The following NUTM2B variants were observed in gnomAD, a reference collection of about 807,000 sequenced individuals.
NUTM2B encodes the protein NUT family member 2B.
A neutral mutation model predicts 42.4 loss-of-function variants in NUTM2B; 2 were observed. That is an observed-to-expected ratio of 0.05 (90% confidence interval 0.02 to 0.15). NUTM2B has a LOEUF of 0.15. Among genes scored for constraint, NUTM2B ranks in the 10% least tolerant of loss-of-function variants. The probability of loss-of-function intolerance (pLI) is 1.00; values close to 1 mark genes in which losing one functional copy is unlikely to be tolerated. For missense variants in NUTM2B, 58 were observed against 952.6 expected, an observed-to-expected ratio of 0.06 and a Z score of 12.36; for synonymous variants, 18 against 402.4, an observed-to-expected ratio of 0.04 and a Z score of 11.43.
At chr10:79,692,974 A>T in the NUTM2B span, among the ~76,000 whole-genome samples, 1 of 152,190 alleles carries the variant, frequency 6.6e-6, no homozygotes, top group Non-Finnish European at 1.5e-5. Context: ...GCCCCAGGAA[A>T]TGGGTCTGGG....
At chr10:79,693,627 C>A in the NUTM2B span, among the ~76,000 whole-genome samples, 1 of 152,216 alleles carries the variant, frequency 6.6e-6, no homozygotes, top group Non-Finnish European at 1.5e-5. Context: ...ATATACTTCT[C>A]CCCTAAAACT....
intron 5 of NUTM2B, 106 bp downstream of exon 5, chr10:79,710,870 C>G: frequency 8.2e-7 from 1 of 1,217,750 alleles, no homozygotes; most frequent in Admixed American, 2.8e-5. Context: ...GTGTGTATTT[C>G]CATGGATTTG....
At chr10:79,700,239 CA>C (rs2132235758), upstream of NUTM2B, among the ~76,000 whole-genome samples, 1 of 152,268 alleles carries the variant, frequency 6.6e-6, no homozygotes, top group East Asian at 1.9e-4. Context: ...TCATTCTGAT[CA>C]AGTCAACAAG....
the NUTM2B span, among the ~76,000 whole-genome samples, chr10:79,694,123 C>A: frequency 1.3e-5 from 2 of 152,088 alleles, no homozygotes; most frequent in African/African-American, 2.4e-5. Flanking sequence ...GCTGGCCAGA[C>A]GTAATGGCTC....
the NUTM2B span, among the ~76,000 whole-genome samples, chr10:79,695,916 A>G: frequency 2.6e-5 from 4 of 151,272 alleles, no homozygotes; most frequent in Admixed American, 2.6e-4. Context: ...ATCCATCTGT[A>G]GGAGGAAAAG....
At chr10:79,700,070 G>A (rs2913149), upstream of NUTM2B, among the ~76,000 whole-genome samples, 5 of 151,586 alleles carry the variant, frequency 3.3e-5, no homozygotes, top group Non-Finnish European at 5.9e-5. Flanking sequence ...ATAAGTAAGC[G>A]ATTGTCATGG....
At position 79,709,708 on chromosome 10, in the gene NUTM2B, C is replaced by T. The variant is rs1480365799; in HGVS notation, c.1212-92C>T. 1.9e-4 allele frequency: 102 copies of T among 538,508 alleles called. 2 individuals carry two copies. The African/African-American group carries it at 2.0e-3, about 11-fold the overall frequency. The allele number at this position is 538,508 out of a possible 1,614,324, so 33.4% of individuals were successfully genotyped here. ...GGGCCTGGACAGCCCACCCGAGGCACTCCCTCCTATCCCTGCCCTCGGCCG... is the reference window on the plus strand; with the variant it reads ...GGGCCTGGACAGCCCACCCGAGGCATTCCCTCCTATCCCTGCCCTCGGCCG... On this transcript the variant is annotated intron_variant, in intron 3 of 6. Coordinates refer to ENST00000429828, the Ensembl canonical transcript of NUTM2B.
At chr10:79,709,229 G>C (rs1368015325) in intron 3 of NUTM2B, among the ~76,000 whole-genome samples, 6 of 128,102 alleles carry the variant, frequency 4.7e-5, no homozygotes, top group Admixed American at 8.2e-5. Context: ...GCCTGGCCAG[G>C]GAGTTGGGTT....
the NUTM2B span, among the ~76,000 whole-genome samples, chr10:79,692,858 G>A: frequency 6.6e-6 from 1 of 152,228 alleles, no homozygotes; most frequent in African/African-American, 2.4e-5. Context: ...CAGACACCAT[G>A]GACATACTTA....
At chr10:79,709,156 T>C (rs1840443540) in intron 3 of NUTM2B, among the ~76,000 whole-genome samples, 1 of 115,592 alleles carries the variant, frequency 8.7e-6, no homozygotes, top group Non-Finnish European at 1.7e-5. Flanking sequence ...CTAGTGACTA[T>C]GGACAAGAGT....
chr10:79,699,898 A>G (rs1480877885), upstream of NUTM2B, among the ~76,000 whole-genome samples: 1 of 152,182 alleles, frequency 6.6e-6, no homozygotes, highest in Admixed American at 6.5e-5. Context: ...ACCCGCACAA[A>G]TCTCACACCC....
intron 1 of NUTM2B, among the ~76,000 whole-genome samples, chr10:79,705,067 C>T (rs896687900): frequency 7.8e-5 from 11 of 141,840 alleles, no homozygotes; most frequent in Non-Finnish European, 1.2e-4. Context: ...TTGCCTCACC[C>T]GGCCCATGGC....
At chr10:79,699,459 G>C (rs1192556560), upstream of NUTM2B, among the ~76,000 whole-genome samples, 5 of 152,050 alleles carry the variant, frequency 3.3e-5, no homozygotes, top group Non-Finnish European at 7.4e-5. Flanking sequence ...TTTAGGGGGC[G>C]GGGAATGGAG....
chr10:79,700,950 G>A (rs1274067707), upstream of NUTM2B, among the ~76,000 whole-genome samples: 1 of 152,226 alleles, frequency 6.6e-6, no homozygotes, highest in Non-Finnish European at 1.5e-5. Flanking sequence ...GTGCCTCTGA[G>A]AAACCAGCGC....
At chr10:79,699,701 T>A (rs907433251), upstream of NUTM2B, among the ~76,000 whole-genome samples, 12 of 149,570 alleles carry the variant, frequency 8.0e-5, no homozygotes, top group Admixed American at 8.0e-4. Flanking sequence ...CCTCGGCCTC[T>A]CAAAGTGCTG....
upstream of NUTM2B, among the ~76,000 whole-genome samples, chr10:79,700,044 T>G (rs1840284314): frequency 6.6e-6 from 1 of 152,254 alleles, no homozygotes; most frequent in Non-Finnish European, 1.5e-5. Flanking sequence ...CACTACTTTT[T>G]ATATGTAAAT....
chr10:79,709,329 TAGAC>T (rs1840446608), intron 3 of NUTM2B, among the ~76,000 whole-genome samples: 2 of 135,712 alleles, frequency 1.5e-5, no homozygotes, highest in Non-Finnish European at 3.1e-5. Context: ...GGCAGACAGA[TAGAC>T]AGCAGCCTCA....
In NUTM2B at chr10:79,709,737, C is replaced by A. The variant is rs530776176; in HGVS notation, c.1212-63C>A. ...CTCCTATCCCTGCCCTCGGCCGCTG[C>A]CTGGTCCTGCGGGGAGGGGGCCTGG... is the stretch of plus-strand genomic sequence containing the variant. On this transcript the variant is annotated intron_variant, in intron 3 of 6. Transcript: ENST00000429828. 249 of 510,522 alleles carry A rather than the reference C, an allele frequency of 4.9e-4. 1 individual carries two copies. The South Asian group carries it at 6.8e-3, about 14-fold the overall frequency. The allele number at this position is 510,522 out of a possible 1,614,324, so 31.6% of individuals were successfully genotyped here.
At chr10:79,700,550 G>A (rs1480523893), upstream of NUTM2B, among the ~76,000 whole-genome samples, 2 of 152,228 alleles carry the variant, frequency 1.3e-5, no homozygotes, top group Non-Finnish European at 2.9e-5. Context: ...CCACAGGCCT[G>A]CTCTGGTCAC....
Sources: gnomAD v4.1 joint callset for allele counts (sites outside exome capture counted in the v4.1 genomes callset) on GRCh38, gnomAD v4.1.1 for gene constraint, MANE v1.5 for transcripts, NCBI Gene and HGNC (gene_info 2026-07-23, HGNC 2026-07-21) for gene names.